Variants in ANKRD26 observed in about 807,000 individuals in gnomAD.
ANKRD26 encodes ankyrin repeat domain-containing protein 26.
ANKRD26 carries 141 observed loss-of-function variants against 208.7 expected under a neutral mutation model. The observed-to-expected ratio is 0.68, with a 90% CI of 0.59 to 0.78. The LOEUF is 0.78. Ranked by LOEUF, ANKRD26 falls within the 30% of genes least tolerant of loss-of-function variation. The pLI is 0.00. For synonymous variants in ANKRD26, 636 were observed against 660.4 expected (o/e 0.96, Z 0.57); for missense variants, 1,889 against 1,938.7 (o/e 0.97, Z 0.48).
intron 16 of ANKRD26, among the ~76,000 whole-genome samples, chr10:27,052,372 A>G (rs1243979053): frequency 1.3e-5 from 2 of 152,168 alleles, no homozygotes. Flanking sequence ...CCAAAAATAA[A>G]TTAGCAGATG....
chr10:27,071,341 A>AC (rs930794460), intron 9 of ANKRD26, among the ~76,000 whole-genome samples: 1 of 127,852 alleles, frequency 7.8e-6, no homozygotes. Context: ...AATTTTTTGT[A>AC]TTTTTTTTTT....
chr10:26,951,057 C>G, the ANKRD26 span, among the ~76,000 whole-genome samples: 1 of 102,574 alleles, frequency 9.7e-6, no homozygotes, highest in African/African-American at 4.8e-5. Context: ...TGTTTGTTGA[C>G]CACTTCCCTC....
intron 15 of ANKRD26, 78 bp downstream of exon 15, chr10:27,060,267 A>G: frequency 7.6e-7 from 1 of 1,320,238 alleles, no homozygotes; most frequent in South Asian, 1.3e-5. Flanking sequence ...TAGGAATAAG[A>G]AAACTGTGAG....
chr10:26,949,575 G>A, the ANKRD26 span, among the ~76,000 whole-genome samples: 5 of 152,050 alleles, frequency 3.3e-5, no homozygotes, highest in African/African-American at 2.4e-5. Context: ...GCGAGATTTC[G>A]GCTTAATGCA....
chr10:27,047,736 A>ATTATTATT (rs1564388452), intron 17 of ANKRD26, among the ~76,000 whole-genome samples: 2 of 48,768 alleles, frequency 4.1e-5, no homozygotes, highest in African/African-American at 8.7e-5. Flanking sequence ...TAATAATAAT[A>ATTATTATT]ATAATTATTA....
At chr10:26,965,087 A>G in the ANKRD26 span, among the ~76,000 whole-genome samples, 1 of 152,210 alleles carries the variant, frequency 6.6e-6, no homozygotes. Context: ...TGCCATCCCC[A>G]TCAAGCTACC....
At chr10:26,990,299 T>C (rs184247275), downstream of ANKRD26, among the ~76,000 whole-genome samples, 2 of 152,292 alleles carry the variant, frequency 1.3e-5, no homozygotes, top group East Asian at 3.9e-4. Context: ...CACAGCTGTG[T>C]GGGGGCTTTG....
intron 21 of ANKRD26, 151 bp downstream of exon 21, chr10:27,039,814 C>G (rs1023398565): frequency 7.1e-5 from 47 of 660,446 alleles, no homozygotes; most frequent in Non-Finnish European, 1.0e-4. Context: ...TAGTTAAGAA[C>G]TAGTTATATT....
the ANKRD26 span, among the ~76,000 whole-genome samples, chr10:26,966,545 C>G: frequency 6.6e-6 from 1 of 152,150 alleles, no homozygotes; most frequent in Non-Finnish European, 1.5e-5. Flanking sequence ...ACCACCATGG[C>G]ACACGTATAC....
chr10:27,033,676 G>A (rs2053955119), intron 24 of ANKRD26, among the ~76,000 whole-genome samples: 1 of 152,136 alleles, frequency 6.6e-6, no homozygotes, highest in Non-Finnish European at 1.5e-5. Context: ...CTGAAGTCTC[G>A]AAATAGTTAT....
At chr10:27,042,755 A>AAAAC (rs1218360248) in intron 20 of ANKRD26, among the ~76,000 whole-genome samples, 8 of 150,764 alleles carry the variant, frequency 5.3e-5, no homozygotes, top group Admixed American at 6.6e-5. Flanking sequence ...TCCATCTCAA[A>AAAAC]AAACAAACAA....
intron 15 of ANKRD26, among the ~76,000 whole-genome samples, chr10:27,058,295 A>G (rs1358318970): frequency 2.0e-5 from 3 of 152,190 alleles, no homozygotes; most frequent in African/African-American, 4.8e-5. Context: ...ATTCAAGGGT[A>G]CAAGAGGTCA....
intron 6 of ANKRD26, chr10:27,080,070 T>C: frequency 2.5e-6 from 1 of 404,524 alleles, no homozygotes; most frequent in South Asian, 1.7e-5. Flanking sequence ...GGCAGAAGAA[T>C]TGTGTGAACC....
chr10:27,084,466 A>T (rs1467002667), intron 5 of ANKRD26, among the ~76,000 whole-genome samples: 2 of 152,202 alleles, frequency 1.3e-5, no homozygotes, highest in African/African-American at 4.8e-5. Flanking sequence ...CTAACCTATG[A>T]AAGTTCTTTG....
chr10:26,953,952 G>A, the ANKRD26 span, among the ~76,000 whole-genome samples: 1 of 152,168 alleles, frequency 6.6e-6, no homozygotes, highest in Non-Finnish European at 1.5e-5. Flanking sequence ...CAATGTGAGA[G>A]CATCATAAGG....
downstream of ANKRD26, among the ~76,000 whole-genome samples, chr10:27,002,656 C>G (rs1446822911): frequency 6.6e-6 from 1 of 152,150 alleles, no homozygotes; most frequent in Non-Finnish European, 1.5e-5. Context: ...ATGCAAATTA[C>G]TATAAAATAA....
intron 30 of ANKRD26, among the ~76,000 whole-genome samples, chr10:27,016,429 C>T (rs1247579818): frequency 1.3e-5 from 2 of 152,090 alleles, no homozygotes; most frequent in African/African-American, 4.8e-5. Context: ...TGTGCCACCA[C>T]GCCTGGCTGA....
the ANKRD26 span, among the ~76,000 whole-genome samples, chr10:26,960,420 G>C: frequency 6.6e-6 from 1 of 152,162 alleles, no homozygotes; most frequent in Non-Finnish European, 1.5e-5. Flanking sequence ...GTTCTGTGAA[G>C]GCACCAGGCT....
chr10:27,040,384 A>T (rs1208630205), intron 20 of ANKRD26, among the ~76,000 whole-genome samples: 1 of 152,202 alleles, frequency 6.6e-6, no homozygotes, highest in Non-Finnish European at 1.5e-5. Context: ...AAAAAAAGTG[A>T]CAAAATACAA....
Sources: gnomAD v4.1 joint callset for allele counts (sites outside exome capture counted in the v4.1 genomes callset) on GRCh38, gnomAD v4.1.1 for gene constraint, MANE v1.5 for transcripts, NCBI Gene and HGNC (gene_info 2026-07-23, HGNC 2026-07-21) for gene names.